PTPRG: variants seen among roughly 807,000 people sequenced by gnomAD.
PTPRG encodes protein tyrosine phosphatase receptor type G, also known as receptor-type tyrosine-protein phosphatase gamma.
A neutral mutation model predicts 165.3 loss-of-function variants in PTPRG; 102 were observed. That is an observed-to-expected ratio of 0.62 (90% CI 0.53 to 0.73). The LOEUF (loss-of-function observed/expected upper bound fraction) is 0.73, where lower values mean the gene tolerates loss of function less well. Among genes scored for constraint, PTPRG ranks in the 30% least tolerant of loss-of-function variants. PTPRG has a pLI of 0.00. For missense variants in PTPRG, 1,866 were observed against 1,861.4 expected (o/e 1.00, Z -0.05); for synonymous variants, 675 against 669.5 (o/e 1.01, Z -0.13).
chr3:61,742,798 G>C, intron 1 of PTPRG: 1 of 1,609,370 alleles, frequency 6.2e-7, no homozygotes, highest in Non-Finnish European at 8.5e-7. Flanking sequence ...ATACTTCTTG[G>C]CCAGCTTCTT....
chr3:61,685,809 G>A (rs1156624758), intron 1 of PTPRG, among the ~76,000 whole-genome samples: 1 of 152,170 alleles, frequency 6.6e-6, no homozygotes, highest in East Asian at 1.9e-4. Flanking sequence ...TAATGAAAAT[G>A]TATCCTGTTA....
intron 2 of PTPRG, among the ~76,000 whole-genome samples, chr3:61,859,071 T>C (rs1475374178): frequency 6.6e-6 from 1 of 152,182 alleles, no homozygotes; most frequent in East Asian, 1.9e-4. Flanking sequence ...TAGGAGTTGA[T>C]TTTTTTAAGA....
intron 2 of PTPRG, among the ~76,000 whole-genome samples, chr3:61,840,778 G>GTTTTTTTTTTTT (rs1421518243): frequency 1.9e-5 from 2 of 106,194 alleles, no homozygotes; most frequent in Admixed American, 9.0e-5. Context: ...TTTTTTGTTT[G>GTTTTTTTTTTTT]TTTGTTTTTT....
chr3:61,562,019 T>C lies in PTPRG; in HGVS notation c.-269T>C. ...CGACTCCGCGCCCTGCCCGATCGGCTCTCTCCTTTTTAAACGGAAAGCAGC... is the reference window on the plus strand; with the variant it reads ...CGACTCCGCGCCCTGCCCGATCGGCCCTCTCCTTTTTAAACGGAAAGCAGC... On this transcript the variant is annotated 5_prime_UTR_variant, in exon 1 of 30. Coordinates refer to ENST00000474889, the MANE Select transcript of PTPRG (RefSeq NM_002841.4). 2 of 406,792 alleles carry C rather than the reference T, an allele frequency of 4.9e-6. No homozygotes were observed. The highest frequency in any genetic ancestry group is 8.9e-6 in the Non-Finnish European group (2 of 224,840). The allele number at this position is 406,792 out of a possible 1,614,324, so 25.2% of individuals were successfully genotyped here.
chr3:61,825,651 G>GT (rs34142867), intron 2 of PTPRG, among the ~76,000 whole-genome samples: 36,200 of 148,094 alleles, frequency 0.24, 4,450 homozygotes, highest in East Asian at 0.3. Flanking sequence ...GTTTTCTTAG[G>GT]TTTTTTTTTT....
At chr3:61,793,389 C>A (rs925829644) in intron 2 of PTPRG, among the ~76,000 whole-genome samples, 1 of 152,146 alleles carries the variant, frequency 6.6e-6, no homozygotes, top group Non-Finnish European at 1.5e-5. Flanking sequence ...CAGAATTTAT[C>A]TTCTTTTGGA....
intron 5 of PTPRG, among the ~76,000 whole-genome samples, chr3:62,114,793 C>A (rs1024926143): frequency 4.6e-5 from 7 of 152,064 alleles, no homozygotes; most frequent in Middle Eastern, 3.2e-3. Context: ...AGGTGCATGC[C>A]ACCTTGCCCT....
intron 17 of PTPRG, 81 bp downstream of exon 17, chr3:62,262,975 C>T (rs919823382): frequency 9.0e-6 from 9 of 1,003,808 alleles, no homozygotes; most frequent in East Asian, 2.6e-5. Context: ...GCCAAGCAGT[C>T]AGAAGCAGGA....
At chr3:62,135,659 G>A (rs891393902) in intron 6 of PTPRG, among the ~76,000 whole-genome samples, 3 of 152,156 alleles carry the variant, frequency 2.0e-5, no homozygotes, top group Admixed American at 6.5e-5. Flanking sequence ...ACGCCAAGGT[G>A]GAATTTGAAG....
intron 1 of PTPRG, among the ~76,000 whole-genome samples, chr3:61,633,714 AG>A (rs1347187146): frequency 6.6e-6 from 1 of 152,136 alleles, no homozygotes; most frequent in Non-Finnish European, 1.5e-5. Flanking sequence ...CTAGAACCTC[AG>A]TGTAGAAGTG....
At chr3:61,695,547 T>C (rs1348977296) in intron 1 of PTPRG, among the ~76,000 whole-genome samples, 1 of 152,230 alleles carries the variant, frequency 6.6e-6, no homozygotes, top group African/African-American at 2.4e-5. Context: ...ACCTCTGATA[T>C]CCAGTCCCTT....
At chr3:61,790,832 G>A (rs1039215372) in intron 2 of PTPRG, among the ~76,000 whole-genome samples, 10 of 150,414 alleles carry the variant, frequency 6.6e-5, no homozygotes, top group Non-Finnish European at 1.2e-4. Context: ...AAAATATGTC[G>A]AATAAGTCAT....
At chr3:61,978,986 T>C (rs2040573152) in intron 2 of PTPRG, among the ~76,000 whole-genome samples, 1 of 152,214 alleles carries the variant, frequency 6.6e-6, no homozygotes, top group South Asian at 2.1e-4. Flanking sequence ...TTTCATTATC[T>C]GTAAAATGGG....
At chr3:61,866,576 T>G (rs2037413829) in intron 2 of PTPRG, among the ~76,000 whole-genome samples, 1 of 141,942 alleles carries the variant, frequency 7.0e-6, no homozygotes, top group Non-Finnish European at 1.5e-5. Context: ...TTTGGAACTG[T>G]TTGCTCTTTT....
intron 1 of PTPRG, among the ~76,000 whole-genome samples, chr3:61,621,853 G>A (rs1054604127): frequency 1.3e-5 from 2 of 152,060 alleles, no homozygotes; most frequent in South Asian, 2.1e-4. Context: ...AGTGGAGATC[G>A]TTGCTAATGT....
At chr3:61,833,329 A>G (rs1575703564) in intron 2 of PTPRG, among the ~76,000 whole-genome samples, 1 of 152,192 alleles carries the variant, frequency 6.6e-6, no homozygotes, top group Non-Finnish European at 1.5e-5. Context: ...CATGTGCTTG[A>G]TATAGCAAAT....
chr3:61,855,064 C>G (rs928051612), intron 2 of PTPRG, among the ~76,000 whole-genome samples: 4 of 152,082 alleles, frequency 2.6e-5, no homozygotes, highest in African/African-American at 7.2e-5. Context: ...AGAAGGTGAA[C>G]GCAGTTACTG....
At chr3:61,611,124 C>T (rs567956513) in intron 1 of PTPRG, among the ~76,000 whole-genome samples, 3 of 152,214 alleles carry the variant, frequency 2.0e-5, no homozygotes, top group Admixed American at 2.0e-4. Flanking sequence ...TTCTAAACGG[C>T]AAAAGCAAGT....
chr3:62,281,497 T>C, intron 26 of PTPRG, 66 bp from the exon 27 acceptor site: 1 of 1,354,512 alleles, frequency 7.4e-7, no homozygotes, highest in Non-Finnish European at 9.8e-7. Flanking sequence ...AAAATCCGTA[T>C]GCAAGAAATA....
Sources: gnomAD v4.1 joint callset for allele counts (sites outside exome capture counted in the v4.1 genomes callset) on GRCh38, gnomAD v4.1.1 for gene constraint, MANE v1.5 for transcripts, NCBI Gene and HGNC (gene_info 2026-07-23, HGNC 2026-07-21) for gene names.